XKR9: variants seen among roughly 807,000 people sequenced by gnomAD.
The protein encoded by XKR9 is XK related 9, also known as XK-related protein 9.
A neutral mutation model predicts 32.0 loss-of-function variants in XKR9; 32 were observed. The observed-to-expected ratio is 1.00, with a 90% confidence interval of 0.76 to 1.34. The LOEUF (loss-of-function observed/expected upper bound fraction) is 1.34. Among genes scored for constraint, XKR9 ranks in the 40% most tolerant of loss-of-function variants. XKR9 has a pLI of 0.00. For synonymous variants in XKR9, 168 were observed against 143.4 expected (o/e 1.17, Z -1.22); for missense variants, 546 against 429.7 (o/e 1.27, Z -2.39).
rs1181015782 is a variant in XKR9, at chr8:70,733,987, A to C, written c.685A>C (p.Lys229Gln). 7 of 1,612,186 alleles carry C rather than the reference A, an allele frequency of 4.3e-6. No individual in the cohort carries two copies. In the South Asian group the frequency reaches 7.7e-5, roughly 18 times the overall value. ...TGTACTTCTACTATTCTTAAATGTT[A>C]AGATTGCTTTATTTCTGTTGTTATT... is the stretch of plus-strand genomic sequence containing the variant. Reference protein sequence around the residue: ...SVVLLLFLNVKIALFLLLFLW... With the variant: ...SVVLLLFLNVQIALFLLLFLW... The change falls in exon 5 of 5, where the codon AAG becomes CAG. Residue 229 changes from lysine (K) to glutamine (Q), a missense_variant. By Grantham distance (53) the Lys-to-Gln change is moderately conservative. Coordinates refer to ENST00000408926, the MANE Select transcript of XKR9 (RefSeq NM_001011720.2).
At chr8:70,791,685 AG>A (rs1807766126), downstream of XKR9, among the ~76,000 whole-genome samples, 2 of 152,194 alleles carry the variant, frequency 1.3e-5, no homozygotes, top group Admixed American at 6.6e-5. Flanking sequence ...ACCAGATGCT[AG>A]CCCCTCAATT....
intron 2 of XKR9, among the ~76,000 whole-genome samples, chr8:70,781,252 C>G (rs1807612084): frequency 6.6e-6 from 1 of 152,072 alleles, no homozygotes; most frequent in South Asian, 2.1e-4. Context: ...ATCTGTTATC[C>G]ATTTTAAATT....
the XKR9 span, among the ~76,000 whole-genome samples, chr8:70,858,215 C>A: frequency 6.6e-6 from 1 of 152,108 alleles, no homozygotes; most frequent in African/African-American, 2.4e-5. Flanking sequence ...ATCTAGAAAA[C>A]CCCATCGTCT....
At chr8:70,705,417 A>G (rs1805686540) in intron 3 of XKR9, among the ~76,000 whole-genome samples, 2 of 152,160 alleles carry the variant, frequency 1.3e-5, no homozygotes, top group Admixed American at 6.6e-5. Context: ...AGAGAGTACT[A>G]CTTTAGGTGG....
At chr8:70,854,858 T>C in the XKR9 span, among the ~76,000 whole-genome samples, 2 of 152,188 alleles carry the variant, frequency 1.3e-5, no homozygotes, top group African/African-American at 2.4e-5. Context: ...TTCTGAGGGC[T>C]CTGTTCTGCT....
At chr8:71,008,282 GGCT>G in the XKR9 span, among the ~76,000 whole-genome samples, 1 of 152,110 alleles carries the variant, frequency 6.6e-6, no homozygotes, top group East Asian at 1.9e-4. Flanking sequence ...TTAGGGTCCT[GGCT>G]CCTATGTCCC....
At chr8:71,012,228 G>C in the XKR9 span, among the ~76,000 whole-genome samples, 1 of 152,152 alleles carries the variant, frequency 6.6e-6, no homozygotes, top group East Asian at 1.9e-4. Context: ...CAAAGATTAA[G>C]AGTTAAAGAA....
At chr8:70,928,226 G>T in the XKR9 span, among the ~76,000 whole-genome samples, 2 of 152,148 alleles carry the variant, frequency 1.3e-5, no homozygotes, top group East Asian at 3.9e-4. Context: ...AGATGCTTTT[G>T]TAGAGATGGG....
intron 1 of XKR9, chr8:70,670,504 CCACTCTTTTTTTTTTTAAAAAAAGGTG>C (rs1818676018): frequency 6.6e-6 from 1 of 151,272 alleles, no homozygotes; most frequent in South Asian, 2.1e-4. Flanking sequence ...CTGTAGCAGC[CCACTCTTTTTTTTTTTAAAAAAAGGTG>C]AGAAATTGAC....
At chr8:71,043,669 A>G in the XKR9 span, among the ~76,000 whole-genome samples, 1 of 152,208 alleles carries the variant, frequency 6.6e-6, no homozygotes, top group Non-Finnish European at 1.5e-5. Context: ...ATATGTGCCT[A>G]TGGTAAACCT....
At chr8:70,894,474 C>T in the XKR9 span, among the ~76,000 whole-genome samples, 2 of 152,232 alleles carry the variant, frequency 1.3e-5, no homozygotes, top group African/African-American at 4.8e-5. Flanking sequence ...ATGTAATGTA[C>T]TGTGTCACCT....
At chr8:70,793,676 T>A (rs1563482691), downstream of XKR9, among the ~76,000 whole-genome samples, 1 of 152,200 alleles carries the variant, frequency 6.6e-6, no homozygotes, top group Non-Finnish European at 1.5e-5. Context: ...ATGTATAGGT[T>A]TATTTCTGGA....
chr8:70,707,212 T>C (rs952177413), intron 4 of XKR9, 59 bp downstream of exon 4: 1 of 1,345,416 alleles, frequency 7.4e-7, no homozygotes, highest in Non-Finnish European at 1.0e-6. Flanking sequence ...ACGTCAACTA[T>C]ATAAATCTTT....
the XKR9 span, among the ~76,000 whole-genome samples, chr8:70,861,194 CAG>C: frequency 2.0e-5 from 3 of 152,104 alleles, no homozygotes; most frequent in African/African-American, 7.2e-5. Flanking sequence ...CAACTCTTCA[CAG>C]AGTTTTTTAA....
chr8:70,963,791 C>T, the XKR9 span, among the ~76,000 whole-genome samples: 1 of 152,148 alleles, frequency 6.6e-6, no homozygotes. Context: ...TGTTCATGTC[C>T]TTTGCCCATG....
At chr8:71,047,084 C>T in the XKR9 span, among the ~76,000 whole-genome samples, 8 of 152,128 alleles carry the variant, frequency 5.3e-5, no homozygotes, top group South Asian at 2.1e-4. Context: ...TTGTTCTTGA[C>T]GTTGTTAGAT....
intron 4 of XKR9, among the ~76,000 whole-genome samples, chr8:70,712,624 C>T (rs891843545): frequency 2.0e-5 from 3 of 152,060 alleles, no homozygotes; most frequent in Non-Finnish European, 4.4e-5. Flanking sequence ...TGTGTTGATG[C>T]TGAGTAGAGC....
At chr8:70,791,517 T>C (rs1181631713), downstream of XKR9, among the ~76,000 whole-genome samples, 3 of 152,070 alleles carry the variant, frequency 2.0e-5, no homozygotes, top group Non-Finnish European at 4.4e-5. Context: ...TATGAATGGA[T>C]TAATGTTATA....
the XKR9 span, among the ~76,000 whole-genome samples, chr8:70,812,642 C>T: frequency 5.9e-5 from 9 of 152,088 alleles, no homozygotes; most frequent in African/African-American, 2.2e-4. Flanking sequence ...TTCTTATACA[C>T]CAATAACAGA....
Sources: gnomAD v4.1 joint callset for allele counts (sites outside exome capture counted in the v4.1 genomes callset) on GRCh38, gnomAD v4.1.1 for gene constraint, MANE v1.5 for transcripts, NCBI Gene and HGNC (gene_info 2026-07-23, HGNC 2026-07-21) for gene names.